The following USP24 variants were observed in gnomAD, a reference collection of about 807,000 sequenced individuals.
USP24 encodes ubiquitin specific peptidase 24, also known as ubiquitin carboxyl-terminal hydrolase 24.
A neutral mutation model predicts 361.6 loss-of-function variants in USP24; 97 were observed. The ratio of observed to expected loss-of-function variants is 0.27; its 90% CI spans 0.23 to 0.32. The LOEUF is 0.32. Ranked by LOEUF, USP24 falls within the 10% of genes least tolerant of loss-of-function variation. The pLI is 1.00. For synonymous variants in USP24, 1,098 were observed against 1,124.6 expected (o/e 0.98, Z 0.47); for missense variants, 2,353 against 3,165.6 (o/e 0.74, Z 6.16).
intron 24 of USP24, among the ~76,000 whole-genome samples, chr1:55,139,612 T>C (rs1646832466): frequency 6.6e-6 from 1 of 152,336 alleles, no homozygotes. Context: ...GAACATTACA[T>C]GTATTAACAT....
intron 35 of USP24, among the ~76,000 whole-genome samples, chr1:55,124,258 T>C (rs1646363591): frequency 6.6e-6 from 1 of 152,216 alleles, no homozygotes; most frequent in South Asian, 2.1e-4. Flanking sequence ...TCTATGTGTT[T>C]ATAAATATTT....
chr1:55,125,191 A>T, intron 34 of USP24, 129 bp downstream of exon 34: 1 of 820,018 alleles, frequency 1.2e-6, no homozygotes, highest in Non-Finnish European at 1.9e-6. Context: ...ATCTCTTTTT[A>T]AGTCACCATA....
chr1:55,081,043 A>T (rs1037522432), intron 59 of USP24, among the ~76,000 whole-genome samples: 2 of 152,156 alleles, frequency 1.3e-5, no homozygotes. Context: ...TAAGGTGATA[A>T]ATGAGCTCTG....
At chr1:55,203,215 A>G (rs1429193106) in intron 1 of USP24, among the ~76,000 whole-genome samples, 1 of 152,228 alleles carries the variant, frequency 6.6e-6, no homozygotes, top group Non-Finnish European at 1.5e-5. Context: ...AACAAAGGAA[A>G]TGTGATGATT....
intron 1 of USP24, among the ~76,000 whole-genome samples, chr1:55,201,324 G>A (rs1445809756): frequency 6.6e-6 from 1 of 152,100 alleles, no homozygotes; most frequent in Non-Finnish European, 1.5e-5. Flanking sequence ...ACTCAATTTA[G>A]GCTGGGCGCA....
At chr1:55,072,960 G>A in intron 64 of USP24, 99 bp from the exon 65 acceptor site, 1 of 1,190,026 alleles carries the variant, frequency 8.4e-7, no homozygotes, top group Non-Finnish European at 1.2e-6. Context: ...AAATTCAGTT[G>A]TCTTTATATT....
chr1:55,118,225 C>CTT (rs1161728404), intron 38 of USP24, among the ~76,000 whole-genome samples: 1 of 152,136 alleles, frequency 6.6e-6, no homozygotes, highest in East Asian at 1.9e-4. Context: ...AAGCTTAGTA[C>CTT]AATACTACAG....
In USP24 at chr1:55,214,853, CCCGCCGCGGGAGGGG is replaced by C. The variant is rs1441703948; in HGVS notation, c.246_260del (p.Pro83_Gly87del). ...CGAAGCCGCCCCCGCCTCCGGTGCT[CCCGCCGCGGGAGGGG>C]CCGCCGCCGCCGCCGTCACCTCCGC... is the stretch of plus-strand genomic sequence containing the variant. On this transcript the variant is annotated inframe_deletion, in exon 1 of 68. Transcript: ENST00000294383. 13 of 1,223,740 alleles carry C rather than the reference CCCGCCGCGGGAGGGG, an allele frequency of 1.1e-5. 1 individual carries two copies. In the African/African-American group the frequency reaches 2.1e-4, roughly 19 times the overall value. The allele number at this position is 1,223,740 out of a possible 1,614,324, so 75.8% of individuals were successfully genotyped here. A position where few individuals can be genotyped will look rare whatever the true frequency, so the allele number is the denominator to read the frequency against.
At position 55,077,306 on chromosome 1, in the gene USP24, A is replaced by G. The variant is rs1296294282; in HGVS notation, c.7315-6T>C. On this transcript the variant is annotated splice_region_variant and splice_polypyrimidine_tract_variant and intron_variant, in intron 61 of 67. Transcript: ENST00000294383. ...GGAGCCGTTTCTAGTTGGTTCTGAA[A>G]TATTTTTTAAAAGCATAAAAACTTC... 1 of 1,551,192 alleles carries G rather than the reference A, an allele frequency of 6.4e-7. No homozygotes were observed. Among genetic ancestry groups the G allele is most frequent in the Non-Finnish European group, 8.7e-7 (1 of 1,144,484 alleles).
chr1:55,121,710 T>C (rs528219953), intron 36 of USP24, among the ~76,000 whole-genome samples: 177 of 152,368 alleles, frequency 1.2e-3, no homozygotes, highest in South Asian at 1.9e-3. Context: ...CCATGTCTTA[T>C]TTTTGTGCTC....
intron 8 of USP24, 97 bp downstream of exon 8, chr1:55,162,102 T>G (rs1487786554): frequency 5.4e-6 from 6 of 1,101,138 alleles, no homozygotes; most frequent in Non-Finnish European, 7.6e-6. Flanking sequence ...GGAGTTACTC[T>G]GGATTAAAGA....
At chr1:55,142,855 G>A in intron 22 of USP24, 60 bp from the exon 23 acceptor site, 2 of 1,429,998 alleles carry the variant, frequency 1.4e-6, no homozygotes, top group Non-Finnish European at 1.9e-6. Flanking sequence ...TCATTATTCA[G>A]GACAAAATAT....
Position 55,067,599 on chromosome 1 carries a change from T to G in USP24, c.*1446A>C, listed in dbSNP as rs1644845887. On this transcript the variant is annotated 3_prime_UTR_variant, in exon 68 of 68. Transcript: ENST00000294383. ...ATGAGATGCCATCTGCCTGGCCACA[T>G]GCCCACACAATGCCACAGCAGCCAG... is the stretch of plus-strand genomic sequence containing the variant. The G allele has an allele frequency of 6.6e-6, 1 of 152,228 alleles. No individual in the cohort carries two copies. Among genetic ancestry groups the G allele is most frequent in the Non-Finnish European group, 1.5e-5 (1 of 68,042 alleles). The allele number at this position is 152,228 out of a possible 1,614,324, so 9.4% of individuals were successfully genotyped here. A position where few individuals can be genotyped will look rare whatever the true frequency, so the allele number is the denominator to read the frequency against.
chr1:55,142,852 T>A, intron 22 of USP24, 57 bp from the exon 23 acceptor site: 1 of 1,439,034 alleles, frequency 6.9e-7, no homozygotes, highest in Non-Finnish European at 9.4e-7. Context: ...TAATCATTAT[T>A]CAGGACAAAA....
At chr1:55,182,994 C>T (rs963742986) in intron 1 of USP24, among the ~76,000 whole-genome samples, 2 of 152,152 alleles carry the variant, frequency 1.3e-5, no homozygotes, top group Non-Finnish European at 2.9e-5. Context: ...GCTGGGATTA[C>T]AGGTGTGAGC....
At chr1:55,161,475 G>A (rs1648278565) in intron 8 of USP24, among the ~76,000 whole-genome samples, 1 of 151,932 alleles carries the variant, frequency 6.6e-6, no homozygotes, top group Admixed American at 6.6e-5. Flanking sequence ...CTAAGTAAAT[G>A]TGATGTTGGA....
Position 55,137,429 on chromosome 1 carries a change from A to G in USP24, c.3201+86T>C, listed in dbSNP as rs1246735341. The G allele has an allele frequency of 2.1e-5, 30 of 1,425,076 alleles. No homozygotes were observed. The Admixed American group carries it at 7.9e-4, about 38-fold the overall frequency. 88.3% of individuals were successfully genotyped at this position (1,425,076 alleles called of 1,614,324 possible). A position where few individuals can be genotyped will look rare whatever the true frequency, so the allele number is the denominator to read the frequency against. On this transcript the variant is annotated intron_variant, in intron 28 of 67. Coordinates refer to ENST00000294383, the MANE Select transcript of USP24 (RefSeq NM_015306.3). ...AGCTTGAACACTAATGAATCCCAGC[A>G]TTTGTTATACAGTTTGGAAGAGTCA...
chr1:55,137,676 T>C lies in USP24; in HGVS notation c.3040A>G (p.Lys1014Glu). 1 of 1,611,912 alleles carries C rather than the reference T, an allele frequency of 6.2e-7. No homozygotes were observed. The highest frequency in any genetic ancestry group is 8.5e-7 in the Non-Finnish European group (1 of 1,179,054). The change falls in exon 28 of 68, where the codon AAA becomes GAA. Residue 1014 changes from lysine (K) to glutamate (E), a missense_variant. Physicochemically the swap from Lys to Glu is moderately conservative, Grantham distance 56 (BLOSUM62 1). This residue lies in a region of USP24 where 949 missense variants were observed against 1,280.5 expected (regional missense o/e 0.74). Coordinates refer to ENST00000294383, the MANE Select transcript of USP24 (RefSeq NM_015306.3). Reference protein sequence around the residue: ...FTNDSLLTVNKDQKLLHQLGF... With the variant: ...FTNDSLLTVNEDQKLLHQLGF... ...AGTTGGTGGAGTAGCTTTTGATCTT[T>C]ATTCACTGTCAGCTGCAAAAAGTGG...
chr1:55,078,476 A>G, intron 61 of USP24, 62 bp downstream of exon 61: 1 of 1,341,674 alleles, frequency 7.5e-7, no homozygotes, highest in South Asian at 1.4e-5. Context: ...GAGCAAAAAG[A>G]TGCTCTCCTA....
Sources: allele counts gnomAD v4.1 joint callset (sites outside exome capture counted in the v4.1 genomes callset), GRCh38; gene constraint gnomAD v4.1.1; regional missense constraint gnomAD v4.1.1; transcripts MANE v1.5; gene names NCBI Gene and HGNC (gene_info 2026-07-23, HGNC 2026-07-21).